The following TAS2R1 variants were observed in gnomAD, a reference collection of about 807,000 sequenced individuals.
TAS2R1 encodes taste receptor type 2 member 1.
For synonymous variants in TAS2R1, 141 were observed against 134.2 expected (o/e 1.05, Z -0.35); for missense variants, 370 against 353.4 (o/e 1.05, Z -0.38).
chr5:9,820,593 G>T, the TAS2R1 span, among the ~76,000 whole-genome samples: 21 of 152,190 alleles, frequency 1.4e-4, no homozygotes, highest in Non-Finnish European at 2.9e-4. Flanking sequence ...TACCTGCAAA[G>T]CACAAACACT....
chr5:9,841,773 C>T, the TAS2R1 span, among the ~76,000 whole-genome samples: 1 of 152,186 alleles, frequency 6.6e-6, no homozygotes, highest in African/African-American at 2.4e-5. Flanking sequence ...TGTAATGTCT[C>T]CCTCCAGAAC....
intron 1 of TAS2R1, among the ~76,000 whole-genome samples, chr5:9,678,956 A>G (rs1167344773): frequency 6.6e-6 from 1 of 152,204 alleles, no homozygotes; most frequent in Non-Finnish European, 1.5e-5. Context: ...ATGGAAAAAA[A>G]TGGTGTCTTT....
chr5:9,892,715 T>G, the TAS2R1 span, among the ~76,000 whole-genome samples: 5 of 152,220 alleles, frequency 3.3e-5, no homozygotes, highest in Non-Finnish European at 7.4e-5. Context: ...GAAAAGCGCC[T>G]CTTATGCCCA....
At chr5:9,779,102 T>C in the TAS2R1 span, among the ~76,000 whole-genome samples, 2 of 152,212 alleles carry the variant, frequency 1.3e-5, no homozygotes, top group Admixed American at 6.5e-5. Flanking sequence ...TGGTGGCATA[T>C]CTCTCATGAA....
chr5:9,741,157 T>C, the TAS2R1 span, among the ~76,000 whole-genome samples: 1 of 152,182 alleles, frequency 6.6e-6, no homozygotes, highest in Non-Finnish European at 1.5e-5. Flanking sequence ...CCACAAATCA[T>C]TGCTTACGTG....
At chr5:9,817,702 T>G in the TAS2R1 span, among the ~76,000 whole-genome samples, 1 of 152,160 alleles carries the variant, frequency 6.6e-6, no homozygotes, top group Non-Finnish European at 1.5e-5. Context: ...TCGTATGAAT[T>G]TGTTTTCACA....
intron 2 of TAS2R1, among the ~76,000 whole-genome samples, chr5:9,640,497 T>TAAAAAAAAAAAAAAA (rs56140715): frequency 8.5e-5 from 5 of 59,030 alleles, no homozygotes; most frequent in African/African-American, 4.1e-4. Context: ...TTCAATTCCT[T>TAAAAAAAAAAAAAAA]AAAAAAAAAA....
chr5:9,815,689 A>C, the TAS2R1 span, among the ~76,000 whole-genome samples: 1 of 152,142 alleles, frequency 6.6e-6, no homozygotes, highest in African/African-American at 2.4e-5. Flanking sequence ...GACCAAAAAA[A>C]AAAAGAAGGA....
At chr5:9,856,169 T>A in the TAS2R1 span, among the ~76,000 whole-genome samples, 1 of 152,202 alleles carries the variant, frequency 6.6e-6, no homozygotes, top group African/African-American at 2.4e-5. Context: ...ATTTAAGAAC[T>A]GACAGATAGC....
chr5:9,782,610 T>C, the TAS2R1 span, among the ~76,000 whole-genome samples: 2 of 152,192 alleles, frequency 1.3e-5, no homozygotes, highest in African/African-American at 4.8e-5. Context: ...CACTGCATGG[T>C]CTCCAGCTGC....
upstream of TAS2R1, among the ~76,000 whole-genome samples, chr5:9,634,712 A>G (rs1264452302): frequency 1.3e-5 from 2 of 151,882 alleles, no homozygotes; most frequent in African/African-American, 2.4e-5. Context: ...CAGCTGTTGT[A>G]AAAGGGACTG....
At chr5:9,799,592 C>A in the TAS2R1 span, among the ~76,000 whole-genome samples, 1 of 152,204 alleles carries the variant, frequency 6.6e-6, no homozygotes, top group Non-Finnish European at 1.5e-5. Flanking sequence ...TCCCACCATA[C>A]CGTTTCACTG....
intron 1 of TAS2R1, among the ~76,000 whole-genome samples, chr5:9,711,890 T>C (rs551439060): frequency 7.8e-4 from 118 of 151,782 alleles, no homozygotes; most frequent in African/African-American, 2.8e-3. Context: ...GGTCTCGAAC[T>C]CCTGACCTCA....
At chr5:9,903,057 C>T in the TAS2R1 span, among the ~76,000 whole-genome samples, 7 of 152,032 alleles carry the variant, frequency 4.6e-5, no homozygotes, top group South Asian at 8.4e-4. Flanking sequence ...ATGGGTCATC[C>T]GTCCCCTCAA....
the TAS2R1 span, among the ~76,000 whole-genome samples, chr5:9,744,818 T>G: frequency 6.6e-6 from 1 of 152,224 alleles, no homozygotes; most frequent in Non-Finnish European, 1.5e-5. Context: ...CCATTTTGAC[T>G]CAGTTACTGT....
chr5:9,810,239 A>G, the TAS2R1 span, among the ~76,000 whole-genome samples: 1 of 152,196 alleles, frequency 6.6e-6, no homozygotes, highest in Non-Finnish European at 1.5e-5. Context: ...TACCAAATCC[A>G]AAGGGTGCCA....
At chr5:9,746,512 A>G in the TAS2R1 span, among the ~76,000 whole-genome samples, 3 of 152,238 alleles carry the variant, frequency 2.0e-5, no homozygotes, top group Non-Finnish European at 4.4e-5. Flanking sequence ...ACTTGGAATC[A>G]ACCCAAATGC....
the TAS2R1 span, among the ~76,000 whole-genome samples, chr5:9,863,372 C>T: frequency 1.9e-3 from 283 of 151,178 alleles, no homozygotes; most frequent in African/African-American, 6.3e-3. Flanking sequence ...CCTGGGTTCA[C>T]GCCATTCTCC....
the TAS2R1 span, among the ~76,000 whole-genome samples, chr5:9,883,530 G>A: frequency 6.4e-4 from 98 of 152,236 alleles, 1 homozygote; most frequent in South Asian, 0.018. Context: ...ACAGTTATTG[G>A]AGAGTTTGAG....
Sources: allele counts gnomAD v4.1 joint callset (sites outside exome capture counted in the v4.1 genomes callset), GRCh38; gene constraint gnomAD v4.1.1; transcripts MANE v1.5; gene names NCBI Gene and HGNC (gene_info 2026-07-23, HGNC 2026-07-21).